Variants in LCN10 observed in about 807,000 individuals in gnomAD.
The protein encoded by LCN10 is epididymal-specific lipocalin-10.
Under a neutral mutation model 25.1 loss-of-function variants are expected in LCN10, and 18 were observed. The ratio of observed to expected loss-of-function variants is 0.72; its 90% CI spans 0.50 to 1.06. LCN10 has a LOEUF of 1.06. LCN10 is among the 50% of genes least tolerant of loss of function. LCN10 has a pLI of 0.00. For synonymous variants in LCN10, 130 were observed against 116.7 expected, an observed-to-expected ratio of 1.11 and a Z score of -0.73; for missense variants, 257 against 258.9, an observed-to-expected ratio of 0.99 and a Z score of 0.05.
chr9:136,739,477 G>T lies in LCN10; in HGVS notation c.*48C>A, dbSNP rs1255748905. The T allele has an allele frequency of 1.3e-6, 2 of 1,569,300 alleles. No homozygotes were observed. The highest frequency in any genetic ancestry group is 8.6e-7 in the Non-Finnish European group (1 of 1,156,610). ...TGACATCTGGAACAACGCTCCTCGG[G>T]TCTGGGAGGACCACGCGTCGAAAGG... On this transcript the variant is annotated 3_prime_UTR_variant, in exon 6 of 6. Transcript: ENST00000497771. This position sits in a 1 kb window ranked among gnomAD's most constrained non-coding sequence, Gnocchi z 6.1.
At position 136,742,907 on chromosome 9, in the gene LCN10, C is replaced by T. The variant is rs746459804; in HGVS notation, c.-4G>A. The T allele has an allele frequency of 9.3e-6, 15 of 1,612,910 alleles. No individual in the cohort carries two copies. Among genetic ancestry groups the T allele is most frequent in the African/African-American group, 5.3e-5 (4 of 74,902 alleles). The stretch of plus-strand genomic sequence containing the variant: ...GCACCAGCAGCCCCTGCCTCATCTT[C>T]ACCCTCCTCCCTCAGCCGCCAAGGC... On this transcript the variant is annotated 5_prime_UTR_variant, in exon 1 of 6. Transcript: ENST00000497771.
In LCN10 at chr9:136,739,260, A is replaced by C; in HGVS notation, c.*265T>G. ...TGGTCTGTTTCACAGCAGACAGGGA[A>C]TAGCAGCAGCCTGCAGTGTGCTCCA... On this transcript the variant is annotated 3_prime_UTR_variant, in exon 6 of 6. Coordinates refer to ENST00000497771, the MANE Select transcript of LCN10 (RefSeq NM_001001712.3). The surrounding 1 kb of genome is among the most constrained non-coding windows in gnomAD (Gnocchi z 6.1). 1 of 490,446 alleles carries C rather than the reference A, an allele frequency of 2.0e-6. No individual in the cohort carries two copies. The highest frequency in any genetic ancestry group is 3.7e-6 in the Non-Finnish European group (1 of 268,782). The allele number at this position is 490,446 out of a possible 1,614,324, so 30.4% of individuals were successfully genotyped here. A position where few individuals can be genotyped will look rare whatever the true frequency, so the allele number is the denominator to read the frequency against.
rs11145858 is a variant in LCN10 at position 136,742,649 on chromosome 9, G to T, written c.117+138C>A. On this transcript the variant is annotated intron_variant, in intron 1 of 5. Coordinates refer to ENST00000497771, the MANE Select transcript of LCN10 (RefSeq NM_001001712.3). The stretch of plus-strand genomic sequence containing the variant: ...GGCCCCTGTGCTGGAGGCTGCAGTG[G>T]GAGAGGCCAGGTGGGCAGCGCCCGT... 7 of 1,087,296 alleles carry T rather than the reference G, an allele frequency of 6.4e-6. No individual in the cohort carries two copies. The Admixed American group carries it at 1.7e-4, about 26-fold the overall frequency. 67.4% of individuals were successfully genotyped at this position (1,087,296 alleles called of 1,614,324 possible). A position where few individuals can be genotyped will look rare whatever the true frequency, so the allele number is the denominator to read the frequency against.
Position 136,739,527 on chromosome 9 carries a change from A to T in LCN10, c.601T>A (p.Ter201ArgextTer41). The change falls in exon 6 of 6, where the codon TGA (stop) becomes AGA (arginine). Residue 201 changes from the stop codon to arginine (R), a stop_lost. Transcript: ENST00000497771. The surrounding 1 kb of genome is among the most constrained non-coding windows in gnomAD (Gnocchi z 6.1). ...DASRTHTILP* is the reference protein window; with the variant it reads ...DASRTHTILPR ...GGAAGAGCAGAGGACGCTGGCTCTC[A>T]TGGCAGGATGGTGTGTGTACGGGAC... 6.2e-7 allele frequency: 1 copy of T among 1,600,010 alleles called. No individual in the cohort carries two copies. The highest frequency in any genetic ancestry group is 8.5e-7 in the Non-Finnish European group (1 of 1,173,960).
chr9:136,741,731 G>C (rs970002699), intron 2 of LCN10, 150 bp downstream of exon 2: 48 of 1,104,910 alleles, frequency 4.3e-5, no homozygotes, highest in Non-Finnish European at 5.1e-5. Context: ...GCTGCAGGTG[G>C]CTTCCTCTGA....
chr9:136,742,577 C>T (rs1846962306), intron 1 of LCN10: 4 of 602,874 alleles, frequency 6.6e-6, no homozygotes, highest in Admixed American at 3.1e-5. Context: ...CCCCCCTGGG[C>T]CCCCGAACCC....
chr9:136,740,426 T>C lies in LCN10; in HGVS notation c.476-378A>G. ...ACTCCTTTCCGTGTACCCCAAGTGG[T>C]TGGTGTCTAGAATTGGGTTTGTGGC... On this transcript the variant is annotated intron_variant, in intron 4 of 5. Transcript: ENST00000497771. This position sits in a 1 kb window ranked among gnomAD's most constrained non-coding sequence, Gnocchi z 5.3. 1 of 423,484 alleles carries C rather than the reference T, an allele frequency of 2.4e-6. No individual in the cohort carries two copies. Among genetic ancestry groups the C allele is most frequent in the Admixed American group, 3.5e-5 (1 of 28,622 alleles). 26.2% of individuals were successfully genotyped at this position (423,484 alleles called of 1,614,324 possible).
In LCN10 at chr9:136,740,769, C is replaced by T. The variant is rs1588296724; in HGVS notation, c.475+67G>A. 3.8e-6 allele frequency: 5 copies of T among 1,314,132 alleles called. No individual in the cohort carries two copies. In the East Asian group the frequency reaches 1.2e-4, roughly 31 times the overall value. 81.4% of individuals were successfully genotyped at this position (1,314,132 alleles called of 1,614,324 possible). A position where few individuals can be genotyped will look rare whatever the true frequency, so the allele number is the denominator to read the frequency against. On this transcript the variant is annotated intron_variant, in intron 4 of 5. Transcript: ENST00000497771. The surrounding 1 kb of genome is among the most constrained non-coding windows in gnomAD (Gnocchi z 5.3). ...CACCTCCTGCCCGGCCCCCTGTGCC[C>T]AGCGCCCCTCTATGCCTCCCTCTGC...
chr9:136,741,015 CTGG>C (rs1564322187), intron 3 of LCN10, 72 bp from the exon 4 acceptor site: 1 of 1,379,472 alleles, frequency 7.2e-7, no homozygotes, highest in Non-Finnish European at 1.0e-6. Flanking sequence ...GCCCTGACCC[CTGG>C]TGCCCGAGGC....
Position 136,738,482 on chromosome 9 carries a change from C to T in LCN10, c.*1043G>A, listed in dbSNP as rs909919430. 7.9e-5 allele frequency: 12 copies of T among 152,238 alleles called. No individual in the cohort carries two copies. The highest frequency in any genetic ancestry group is 4.1e-4 in the South Asian group (2 of 4,834). The allele number at this position is 152,238 out of a possible 1,614,324, so 9.4% of individuals were successfully genotyped here. A position where few individuals can be genotyped will look rare whatever the true frequency, so the allele number is the denominator to read the frequency against. The stretch of plus-strand genomic sequence containing the variant: ...AGAAGGAGGGGCTGACCCCTTACCC[C>T]GTCATGGCTGAGGACTCGGGTTCAG... On this transcript the variant is annotated 3_prime_UTR_variant, in exon 6 of 6. Transcript: ENST00000497771.
chr9:136,738,672 C>G lies in LCN10; in HGVS notation c.*853G>C, dbSNP rs1344130437. On this transcript the variant is annotated 3_prime_UTR_variant, in exon 6 of 6. Coordinates refer to ENST00000497771, the MANE Select transcript of LCN10 (RefSeq NM_001001712.3). Reference sequence around the variant, plus strand: ...CCCCCTCCTGCTCCTCTGTGGCTCTCCCCGCCGCCATTCTGATACTGGCGT... The same window carrying G: ...CCCCCTCCTGCTCCTCTGTGGCTCTGCCCGCCGCCATTCTGATACTGGCGT... The G allele has an allele frequency of 2.0e-5, 3 of 152,326 alleles. No individual in the cohort carries two copies. Among genetic ancestry groups the G allele is most frequent in the Non-Finnish European group, 4.4e-5 (3 of 68,130 alleles). The allele number at this position is 152,326 out of a possible 1,614,324, so 9.4% of individuals were successfully genotyped here.
chr9:136,740,999 C>G lies in LCN10; in HGVS notation c.368-56G>C. On this transcript the variant is annotated intron_variant, in intron 3 of 5. Coordinates refer to ENST00000497771, the MANE Select transcript of LCN10 (RefSeq NM_001001712.3). This position sits in a 1 kb window ranked among gnomAD's most constrained non-coding sequence, Gnocchi z 5.3. ...TTCCCGGATGGCGTGGCTGTGCCCGCCCACAGCCCTGACCCCTGGTGCCCG... is the reference window on the plus strand; with the variant it reads ...TTCCCGGATGGCGTGGCTGTGCCCGGCCACAGCCCTGACCCCTGGTGCCCG... 6.9e-7 allele frequency: 1 copy of G among 1,458,812 alleles called. No individual in the cohort carries two copies. Among genetic ancestry groups the G allele is most frequent in the Non-Finnish European group, 9.5e-7 (1 of 1,047,714 alleles). The allele number at this position is 1,458,812 out of a possible 1,614,324, so 90.4% of individuals were successfully genotyped here.
intron 1 of LCN10, 96 bp from the exon 2 acceptor site, chr9:136,742,116 C>T: frequency 6.7e-7 from 1 of 1,482,746 alleles, no homozygotes; most frequent in Middle Eastern, 1.7e-4. Flanking sequence ...GACAAATGAC[C>T]CTTCTGTGAG....
Position 136,740,119 on chromosome 9 carries a change from A to G in LCN10, c.476-71T>C, listed in dbSNP as rs749597769. 7.9e-6 allele frequency: 8 copies of G among 1,015,654 alleles called. No individual in the cohort carries two copies. In the African/African-American group the frequency reaches 9.6e-5, roughly 12 times the overall value. 62.9% of individuals were successfully genotyped at this position (1,015,654 alleles called of 1,614,324 possible). A position where few individuals can be genotyped will look rare whatever the true frequency, so the allele number is the denominator to read the frequency against. On this transcript the variant is annotated intron_variant, in intron 4 of 5. Transcript: ENST00000497771. The surrounding 1 kb of genome is among the most constrained non-coding windows in gnomAD (Gnocchi z 5.3). ...TTTTAGGGTCTGCACCCTGACCCCC[A>G]TCCCTACCCCAGGAGCTGCTGAAAT...
rs769014050 is a variant in LCN10, at chr9:136,740,126, C to T, written c.476-78G>A. 11 of 958,724 alleles carry T rather than the reference C, an allele frequency of 1.1e-5. No individual in the cohort carries two copies. The South Asian group carries it at 1.5e-4, about 13-fold the overall frequency. The allele number at this position is 958,724 out of a possible 1,614,324, so 59.4% of individuals were successfully genotyped here. A position where few individuals can be genotyped will look rare whatever the true frequency, so the allele number is the denominator to read the frequency against. On this transcript the variant is annotated intron_variant, in intron 4 of 5. Coordinates refer to ENST00000497771, the MANE Select transcript of LCN10 (RefSeq NM_001001712.3). The surrounding 1 kb of genome is among the most constrained non-coding windows in gnomAD (Gnocchi z 5.3). ...GTCTGCACCCTGACCCCCATCCCTA[C>T]CCCAGGAGCTGCTGAAATGTCCTCA...
Position 136,740,779 on chromosome 9 carries a change from C to T in LCN10, c.475+57G>A. On this transcript the variant is annotated intron_variant, in intron 4 of 5. Coordinates refer to ENST00000497771, the MANE Select transcript of LCN10 (RefSeq NM_001001712.3). The surrounding 1 kb of genome is among the most constrained non-coding windows in gnomAD (Gnocchi z 5.3). ...CCGGCCCCCTGTGCCCAGCGCCCCT[C>T]TATGCCTCCCTCTGCACCCCCTCCA... is the stretch of plus-strand genomic sequence containing the variant. The T allele has an allele frequency of 7.0e-7, 1 of 1,434,498 alleles. No individual in the cohort carries two copies. The allele number at this position is 1,434,498 out of a possible 1,614,324, so 88.9% of individuals were successfully genotyped here. A position where few individuals can be genotyped will look rare whatever the true frequency, so the allele number is the denominator to read the frequency against.
Position 136,740,752 on chromosome 9 carries a change from G to T in LCN10, c.475+84C>A, listed in dbSNP as rs2131068991. 2 of 1,056,786 alleles carry T rather than the reference G, an allele frequency of 1.9e-6. No individual in the cohort carries two copies. The highest frequency in any genetic ancestry group is 2.7e-6 in the Non-Finnish European group (2 of 737,706). The allele number at this position is 1,056,786 out of a possible 1,614,324, so 65.5% of individuals were successfully genotyped here. A position where few individuals can be genotyped will look rare whatever the true frequency, so the allele number is the denominator to read the frequency against. The stretch of plus-strand genomic sequence containing the variant: ...ACTCTCCCTGCCCGCCTCACCTCCT[G>T]CCCGGCCCCCTGTGCCCAGCGCCCC... On this transcript the variant is annotated intron_variant, in intron 4 of 5. Coordinates refer to ENST00000497771, the MANE Select transcript of LCN10 (RefSeq NM_001001712.3). This position sits in a 1 kb window ranked among gnomAD's most constrained non-coding sequence, Gnocchi z 5.3.
chr9:136,741,802 C>A (rs1588297790), intron 2 of LCN10, 79 bp downstream of exon 2: 1 of 1,502,786 alleles, frequency 6.7e-7, no homozygotes, highest in South Asian at 1.3e-5. Flanking sequence ...CAGGCTCCTC[C>A]CAGACTCCTT....
rs879272026 is a variant in LCN10 at position 136,741,766 on chromosome 9, C to T, written c.257+115G>A. On this transcript the variant is annotated intron_variant, in intron 2 of 5. Coordinates refer to ENST00000497771, the MANE Select transcript of LCN10 (RefSeq NM_001001712.3). The stretch of plus-strand genomic sequence containing the variant: ...AGTTTAGGGGGAGGAAGTGGGGGGA[C>T]GGTTCTTGTGGAACTTCCAGACAGA... The T allele has an allele frequency of 9.6e-6, 13 of 1,354,406 alleles. No individual in the cohort carries two copies. In the Admixed American group the frequency reaches 1.0e-4, roughly 11 times the overall value. The allele number at this position is 1,354,406 out of a possible 1,614,324, so 83.9% of individuals were successfully genotyped here. A position where few individuals can be genotyped will look rare whatever the true frequency, so the allele number is the denominator to read the frequency against.
Sources: gnomAD v4.1 joint callset for allele counts on GRCh38, gnomAD v4.1.1 for gene constraint, Gnocchi (gnomAD v3.1) non-coding constraint, MANE v1.5 for transcripts, NCBI Gene and HGNC (gene_info 2026-07-23, HGNC 2026-07-21) for gene names.